C3orf38: variants seen among roughly 807,000 people sequenced by gnomAD.
The protein encoded by C3orf38 is uncharacterized protein C3orf38.
Under a neutral mutation model 28.3 loss-of-function variants are expected in C3orf38, and 18 were observed. That is an observed-to-expected ratio of 0.64 (90% confidence interval 0.44 to 0.94). The LOEUF (loss-of-function observed/expected upper bound fraction) is 0.94, where lower values mean the gene tolerates loss of function less well. C3orf38 is among the 40% of genes least tolerant of loss of function. The probability of loss-of-function intolerance (pLI) is 0.00; values close to 1 mark genes in which losing one functional copy is unlikely to be tolerated. For missense variants in C3orf38, 364 were observed against 396.4 expected (o/e 0.92, Z 0.69); for synonymous variants, 145 against 138.1 (o/e 1.05, Z -0.35).
At chr3:88,152,333 C>T (rs1576369071) in intron 1 of C3orf38, among the ~76,000 whole-genome samples, 1 of 152,062 alleles carries the variant, frequency 6.6e-6, no homozygotes, top group South Asian at 2.1e-4. Context: ...TCCCTTGAAC[C>T]CAGGAGGTGG....
At position 88,149,996 on chromosome 3, in the gene C3orf38, C is replaced by G. The variant is rs926032154; in HGVS notation, c.-57C>G. 49 of 1,608,904 alleles carry G rather than the reference C, an allele frequency of 3.0e-5. No individual in the cohort carries two copies. Among genetic ancestry groups the G allele is most frequent in the Non-Finnish European group, 4.0e-5 (47 of 1,176,608 alleles). On this transcript the variant is annotated 5_prime_UTR_variant, in exon 1 of 3. Transcript: ENST00000318887. Reference sequence around the variant, plus strand: ...TCCGGTGTCTGTTGCCAGGCGCGGGCCCAGTGGGCCGTAGGGGCGACATTG... The same window carrying G: ...TCCGGTGTCTGTTGCCAGGCGCGGGGCCAGTGGGCCGTAGGGGCGACATTG...
At chr3:88,152,977 G>A (rs1447473958) in intron 1 of C3orf38, among the ~76,000 whole-genome samples, 1 of 152,056 alleles carries the variant, frequency 6.6e-6, no homozygotes, top group East Asian at 1.9e-4. Flanking sequence ...TTCTTTAAGA[G>A]GAAATGCTAA....
rs2107931198 is a variant in C3orf38, at chr3:88,153,317, A to T, written c.221A>T (p.Tyr74Phe). 1 of 1,614,138 alleles carries T rather than the reference A, an allele frequency of 6.2e-7. No homozygotes were observed. The highest frequency in any genetic ancestry group is 2.2e-5 in the East Asian group (1 of 44,868). Reference protein sequence around the residue: ...RKVHREVIFKYLATQGIVIPP... With the variant: ...RKVHREVIFKFLATQGIVIPP... ...GTCCACCGAGAAGTTATATTTAAGT[A>T]CTTGGCAACACAGGGGATTGTTATA... Residue 74 changes from tyrosine (Y) to phenylalanine (F), a missense_variant, in exon 2 of 3, where the codon TAC (tyrosine) becomes TTC (phenylalanine). Transcript: ENST00000318887.
intron 1 of C3orf38, chr3:88,151,124 G>C (rs1413951070): frequency 6.6e-6 from 1 of 151,888 alleles, no homozygotes; most frequent in Non-Finnish European, 1.5e-5. Context: ...TTAATTATAG[G>C]GTATCTAAAA....
intron 2 of C3orf38, among the ~76,000 whole-genome samples, chr3:88,154,042 A>G (rs931706713): frequency 3.3e-5 from 5 of 152,282 alleles, no homozygotes; most frequent in Admixed American, 1.3e-4. Context: ...AATGAGGACT[A>G]TTGGATTTTT....
In C3orf38 at chr3:88,153,321, G is replaced by T; in HGVS notation, c.225G>T (p.Leu75Phe). 1 of 1,613,744 alleles carries T rather than the reference G, an allele frequency of 6.2e-7. No homozygotes were observed. ...KVHREVIFKY[L>F]ATQGIVIPPA... ...ACCGAGAAGTTATATTTAAGTACTT[G>T]GCAACACAGGGGATTGTTATACCTC... The change falls in exon 2 of 3, where the codon TTG becomes TTT. Residue 75 changes from leucine to phenylalanine, a missense_variant. Coordinates refer to ENST00000318887, the MANE Select transcript of C3orf38 (RefSeq NM_173824.4).
chr3:88,155,061 T>C (rs959714744), intron 2 of C3orf38, among the ~76,000 whole-genome samples: 6 of 152,072 alleles, frequency 3.9e-5, no homozygotes, highest in African/African-American at 1.2e-4. Context: ...GGTTTCACCA[T>C]GTTGTCAAGA....
Position 88,156,237 on chromosome 3 carries a change from G to A in C3orf38, c.592G>A (p.Val198Met), listed in dbSNP as rs371557541. The A allele has an allele frequency of 1.8e-5, 29 of 1,613,964 alleles. No individual in the cohort carries two copies. The highest frequency in any genetic ancestry group is 1.6e-4 in the East Asian group (7 of 44,892). The change falls in exon 3 of 3, where the codon GTG becomes ATG. Residue 198 changes from valine (V) to methionine (M), a missense_variant. Coordinates refer to ENST00000318887, the MANE Select transcript of C3orf38 (RefSeq NM_173824.4). ...NVMDYHGAEI[V>M]SLRLLSLVKE... ...TATGGACTACCATGGAGCAGAAATC[G>A]TGAGCCTTCGTTTGCTGTCACTAGT...
At chr3:88,154,528 T>G (rs2107932427) in intron 2 of C3orf38, among the ~76,000 whole-genome samples, 1 of 152,328 alleles carries the variant, frequency 6.6e-6, no homozygotes, top group Non-Finnish European at 1.5e-5. Context: ...AATTTGCAGA[T>G]TTTTAAACTA....
chr3:88,156,552 A>T lies in C3orf38; in HGVS notation c.907A>T (p.Asn303Tyr), dbSNP rs1333564478. Residue 303 changes from asparagine to tyrosine, a missense_variant, in exon 3 of 3, where the codon AAT (asparagine) becomes TAT (tyrosine). Physicochemically the swap from Asn to Tyr is moderately radical, Grantham distance 143. Coordinates refer to ENST00000318887, the MANE Select transcript of C3orf38 (RefSeq NM_173824.4). ...ACAAAGTGATCTAGAGGCCTTTTAT[A>T]ATGTAATCACTGTATGTGGTACCAA... ...FEQSDLEAFY[N>Y]VITVCGTNEV... is the part of the protein sequence containing the mutation. 3.7e-6 allele frequency: 6 copies of T among 1,613,980 alleles called. No individual in the cohort carries two copies. Among genetic ancestry groups the T allele is most frequent in the Non-Finnish European group, 5.1e-6 (6 of 1,180,004 alleles).
In C3orf38 at chr3:88,150,034, T is replaced by TC. The variant is rs753801366; in HGVS notation, c.-19_-18insC. 2.5e-3 allele frequency: 3,803 copies of TC among 1,525,456 alleles called. 63 individuals carry two copies. Among genetic ancestry groups the TC allele is most frequent in the East Asian group, 8.1e-3 (333 of 41,200 alleles). 94.5% of individuals were successfully genotyped at this position (1,525,456 alleles called of 1,614,324 possible). A position where few individuals can be genotyped will look rare whatever the true frequency, so the allele number is the denominator to read the frequency against. On this transcript the variant is annotated 5_prime_UTR_variant, in exon 1 of 3. Coordinates refer to ENST00000318887, the MANE Select transcript of C3orf38 (RefSeq NM_173824.4). ...AGGGGCGACATTGTTGCCGTTGTCT[T>TC]TCCCCCCCAGTCCCGGGGATGGAGA...
intron 2 of C3orf38, among the ~76,000 whole-genome samples, chr3:88,153,816 C>A (rs1402942851): frequency 6.6e-6 from 1 of 152,076 alleles, no homozygotes; most frequent in Admixed American, 6.5e-5. Context: ...CTCAAGTGGT[C>A]CTCCCGCCTC....
intron 2 of C3orf38, 55 bp downstream of exon 2, chr3:88,153,526 T>C: frequency 1.3e-6 from 2 of 1,581,162 alleles, no homozygotes; most frequent in South Asian, 1.1e-5. Flanking sequence ...GAAACTTTGT[T>C]GATAATCCTA....
intron 1 of C3orf38, among the ~76,000 whole-genome samples, chr3:88,152,432 A>G (rs1707426435): frequency 6.6e-6 from 1 of 151,616 alleles, no homozygotes; most frequent in Non-Finnish European, 1.5e-5. Flanking sequence ...ATTAAAATAT[A>G]TAAAGATACA....
At position 88,157,774 on chromosome 3, in the gene C3orf38, G is replaced by A; in HGVS notation, c.*1139G>A. The A allele has an allele frequency of 6.6e-6, 1 of 152,084 alleles. No individual in the cohort carries two copies. The highest frequency in any genetic ancestry group is 1.5e-5 in the Non-Finnish European group (1 of 67,994). The allele number at this position is 152,084 out of a possible 1,614,324, so 9.4% of individuals were successfully genotyped here. A position where few individuals can be genotyped will look rare whatever the true frequency, so the allele number is the denominator to read the frequency against. The stretch of plus-strand genomic sequence containing the variant: ...TTGGAAAAGAACTCAATTGGGAAAT[G>A]TGATGACGTATTGTACATGTTACTT... On this transcript the variant is annotated 3_prime_UTR_variant, in exon 3 of 3. Transcript: ENST00000318887.
At chr3:88,153,086 A>G (rs1231953035) in intron 1 of C3orf38, 144 bp from the exon 2 acceptor site, 4 of 803,256 alleles carry the variant, frequency 5.0e-6, no homozygotes, top group Admixed American at 5.9e-5. Context: ...CGGACTTCCT[A>G]TTTTTTAAAA....
chr3:88,155,183 A>G lies in C3orf38; in HGVS notation c.376-838A>G, dbSNP rs1336257119. On this transcript the variant is annotated intron_variant, in intron 2 of 2. Coordinates refer to ENST00000318887, the MANE Select transcript of C3orf38 (RefSeq NM_173824.4). ...CTTACAGTAACATTTTCTGTGAAAA[A>G]AGAGAAATAATAGAATAAAATTAAT... Among the ~76,000 whole-genome samples, 3 of 152,040 alleles carry G rather than the reference A, an allele frequency of 2.0e-5. No individual in the cohort carries two copies. The East Asian group carries it at 5.8e-4, about 29-fold the overall frequency.
rs1446581219 is a variant in C3orf38, at chr3:88,156,179, TA to T, written c.535del (p.Arg179GlyfsTer20). ...AGCACTTCTGGCATGATGTGAAGCTTAGGTTTTATTACAACACATCAGAACA... is the reference window on the plus strand; with the variant it reads ...AGCACTTCTGGCATGATGTGAAGCTTGGTTTTATTACAACACATCAGAACA... Reference protein sequence around the residue: ...PQHFWHDVKLRFYYNTSEQNV... With the variant: ...PQHFWHDVKLXFYYNTSEQNV... On this transcript the variant is annotated frameshift_variant, in exon 3 of 3. Transcript: ENST00000318887. LOFTEE classifies it high-confidence loss of function. 6.2e-7 allele frequency: 1 copy of T among 1,613,714 alleles called. No individual in the cohort carries two copies. The highest frequency in any genetic ancestry group is 8.5e-7 in the Non-Finnish European group (1 of 1,179,944).
In C3orf38 at chr3:88,150,024, G is replaced by T. The variant is rs1429752239; in HGVS notation, c.-29G>T. ...AGTGGGCCGTAGGGGCGACATTGTT[G>T]CCGTTGTCTTTCCCCCCCAGTCCCG... is the stretch of plus-strand genomic sequence containing the variant. On this transcript the variant is annotated 5_prime_UTR_variant, in exon 1 of 3. Coordinates refer to ENST00000318887, the MANE Select transcript of C3orf38 (RefSeq NM_173824.4). 1.3e-6 allele frequency: 2 copies of T among 1,565,924 alleles called. No homozygotes were observed. Among genetic ancestry groups the T allele is most frequent in the East Asian group, 4.7e-5 (2 of 42,702 alleles).
Sources: gnomAD v4.1 joint callset for allele counts (sites outside exome capture counted in the v4.1 genomes callset) on GRCh38, gnomAD v4.1.1 for gene constraint, MANE v1.5 for transcripts, NCBI Gene and HGNC (gene_info 2026-07-23, HGNC 2026-07-21) for gene names.